The following CHTF18 variants were observed in gnomAD, a reference collection of about 807,000 sequenced individuals.
CHTF18 encodes chromosome transmission fidelity factor 18, also known as chromosome transmission fidelity protein 18 homolog.
CHTF18 carries 151 observed loss-of-function variants against 113.4 expected under a neutral mutation model. The ratio of observed to expected loss-of-function variants is 1.33; its 90% CI spans 1.17 to 1.52. The LOEUF is 1.52. Ranked by LOEUF, CHTF18 falls within the 40% of genes most tolerant of loss-of-function variation. CHTF18 has a pLI of 0.00. For missense variants in CHTF18, 1,982 were observed against 1,381.6 expected, an observed-to-expected ratio of 1.43 and a Z score of -6.89; for synonymous variants, 916 against 598.8, an observed-to-expected ratio of 1.53 and a Z score of -7.74.
chr16:793,358 C>G (rs987706702), intron 14 of CHTF18, 84 bp downstream of exon 14: 4 of 1,502,902 alleles, frequency 2.7e-6, no homozygotes, highest in Admixed American at 2.1e-5. Flanking sequence ...CCAGCACTAC[C>G]TTCGAGGCGG....
At chr16:795,061 A>T in intron 15 of CHTF18, 71 bp from the exon 16 acceptor site, 1 of 1,218,068 alleles carries the variant, frequency 8.2e-7, no homozygotes, top group East Asian at 2.6e-5. Context: ...CTGTGGCGGG[A>T]GGTGGAGGGT....
rs2042404007 is a variant in CHTF18, at chr16:797,969, G to C, written c.2922G>C (p.Leu974Phe). 3.1e-6 allele frequency: 5 copies of C among 1,610,752 alleles called. No homozygotes were observed. The East Asian group carries it at 1.1e-4, about 36-fold the overall frequency. Reference sequence around the variant, plus strand: ...GGCGCAGCCTGTACATCAGGGACTTGCTCTAGTTCTCTGAGCCGCGGACAT... The same window carrying C: ...GGCGCAGCCTGTACATCAGGGACTTCCTCTAGTTCTCTGAGCCGCGGACAT... ...AVRRSLYIRDLL is the reference protein window; with the variant it reads ...AVRRSLYIRDFL Residue 974 changes from leucine (L) to phenylalanine (F), a missense_variant, in exon 22 of 22, where the codon TTG becomes TTC. Coordinates refer to ENST00000262315, the MANE Select transcript of CHTF18 (RefSeq NM_022092.3).
chr16:795,086 C>T (rs765500872), intron 15 of CHTF18, 46 bp from the exon 16 acceptor site: 81 of 1,460,032 alleles, frequency 5.5e-5, no homozygotes, highest in Non-Finnish European at 6.7e-5. Flanking sequence ...GGTGGTGCAC[C>T]TTCCCTGGGG....
At position 790,108 on chromosome 16, in the gene CHTF18, T is replaced by G. The variant is rs1346969591; in HGVS notation, c.607-69T>G. ...TTGTCCCACCCGGGTCCCTGAGCAC[T>G]GATGGGGGCTGACGTGAATCCTGTG... is the stretch of plus-strand genomic sequence containing the variant. On this transcript the variant is annotated intron_variant, in intron 4 of 21. Transcript: ENST00000262315. The G allele has an allele frequency of 3.2e-6, 5 of 1,542,602 alleles. No homozygotes were observed. In the African/African-American group the frequency reaches 4.1e-5, roughly 13 times the overall value.
chr16:790,091 C>T (rs1033411319), intron 4 of CHTF18, 86 bp from the exon 5 acceptor site: 1 of 1,539,246 alleles, frequency 6.5e-7, no homozygotes, highest in East Asian at 2.4e-5. Context: ...GGTTGTCCCA[C>T]CCGGGTCCCT....
Position 797,830 on chromosome 16 carries a change from G to A in CHTF18, c.2792-9G>A. On this transcript the variant is annotated splice_polypyrimidine_tract_variant and intron_variant, in intron 21 of 21. Coordinates refer to ENST00000262315, the MANE Select transcript of CHTF18 (RefSeq NM_022092.3). ...CTTACAGCTGAGGAGCAACCCTGTGGCCCCGCAGGGGACACGGCCCCGGAG... is the reference window on the plus strand; with the variant it reads ...CTTACAGCTGAGGAGCAACCCTGTGACCCCGCAGGGGACACGGCCCCGGAG... 1 of 1,598,388 alleles carries A rather than the reference G, an allele frequency of 6.3e-7. No individual in the cohort carries two copies. Among genetic ancestry groups the A allele is most frequent in the African/African-American group, 1.3e-5 (1 of 74,828 alleles).
intron 15 of CHTF18, chr16:794,606 G>C (rs967163056): frequency 9.2e-5 from 23 of 248,886 alleles, no homozygotes; most frequent in African/African-American, 4.9e-4. Context: ...GGGAGTCCCC[G>C]CCTAAGCTGT....
Position 790,251 on chromosome 16 carries a change from G to T in CHTF18, c.681G>T (p.Lys227Asn). The change falls in exon 5 of 22, where the codon AAG becomes AAT. Residue 227 changes from lysine to asparagine, a missense_variant. Lys to Asn is a moderately conservative substitution (Grantham distance 94). Transcript: ENST00000262315. ...DLLGVSLASL[K>N]KQVDGERRER... Reference sequence around the variant, plus strand: ...TGGGTGTGTCCTTAGCCTCCCTGAAGAAGCAGGTCGACGGCGAGGTAGGGG... The same window carrying T: ...TGGGTGTGTCCTTAGCCTCCCTGAATAAGCAGGTCGACGGCGAGGTAGGGG... 6.2e-7 allele frequency: 1 copy of T among 1,606,980 alleles called. No homozygotes were observed. Among genetic ancestry groups the T allele is most frequent in the Non-Finnish European group, 8.5e-7 (1 of 1,177,656 alleles).
rs199983912 is a variant in CHTF18 at position 792,525 on chromosome 16, C to T, written c.1413C>T (p.Gly471=). Residue 471 remains glycine, a synonymous_variant, in exon 11 of 22, where the codon GGC becomes GGT. Coordinates refer to ENST00000262315, the MANE Select transcript of CHTF18 (RefSeq NM_022092.3). ...GPQGPAVPSG[G]GRRRRAEGGL... is the part of the protein sequence containing the mutation. ...AGGGCCCGGCTGTGCCTTCGGGAGG[C>T]GGCCGACGGCGCCGGGCAGAGGGGG... 129 of 1,592,518 alleles carry T rather than the reference C, an allele frequency of 8.1e-5. 1 individual carries two copies. In the African/African-American group the frequency reaches 8.9e-4, roughly 11 times the overall value.
chr16:788,669 C>G lies in CHTF18; in HGVS notation c.-16C>G, dbSNP rs761285335. The G allele has an allele frequency of 3.9e-6, 6 of 1,520,888 alleles. No individual in the cohort carries two copies. The highest frequency in any genetic ancestry group is 1.4e-5 in the African/African-American group (1 of 69,536). The allele number at this position is 1,520,888 out of a possible 1,614,324, so 94.2% of individuals were successfully genotyped here. A position where few individuals can be genotyped will look rare whatever the true frequency, so the allele number is the denominator to read the frequency against. ...GCGCGGGAGGTTCGGAGCGGGAGCTCGGGCTCGCGGACGGTATGGAGGACT... is the reference window on the plus strand; with the variant it reads ...GCGCGGGAGGTTCGGAGCGGGAGCTGGGGCTCGCGGACGGTATGGAGGACT... On this transcript the variant is annotated 5_prime_UTR_variant, in exon 1 of 22. Coordinates refer to ENST00000262315, the MANE Select transcript of CHTF18 (RefSeq NM_022092.3).
At position 794,037 on chromosome 16, in the gene CHTF18, C is replaced by T. The variant is rs138362369; in HGVS notation, c.1803-17C>T. 18,915 of 1,605,044 alleles carry T rather than the reference C, an allele frequency of 0.012. 146 individuals carry two copies. Among genetic ancestry groups the T allele is most frequent in the Middle Eastern group, 0.021 (105 of 4,914 alleles). On this transcript the variant is annotated splice_polypyrimidine_tract_variant and intron_variant, in intron 14 of 21. Coordinates refer to ENST00000262315, the MANE Select transcript of CHTF18 (RefSeq NM_022092.3). ...CTTTTAACACGGGTCCATCTAGCTTCAGCACCCCACCTGCAGGCGCCGTGT... is the reference window on the plus strand; with the variant it reads ...CTTTTAACACGGGTCCATCTAGCTTTAGCACCCCACCTGCAGGCGCCGTGT...
At position 794,221 on chromosome 16, in the gene CHTF18, A is replaced by G; in HGVS notation, c.1950+20A>G. 1 of 1,605,270 alleles carries G rather than the reference A, an allele frequency of 6.2e-7. No homozygotes were observed. On this transcript the variant is annotated intron_variant, in intron 15 of 21. Transcript: ENST00000262315. Reference sequence around the variant, plus strand: ...GTCCAGGTACCTGTCTTCCACCAAAATGCCTGCCTGGGGCCGCCTGGCTAG... The same window carrying G: ...GTCCAGGTACCTGTCTTCCACCAAAGTGCCTGCCTGGGGCCGCCTGGCTAG...
In CHTF18 at chr16:789,602, A is replaced by C; in HGVS notation, c.493A>C (p.Asn165His). ...CACACGGGCCTCACCAGCTGCCCGC[A>C]ATCCCGTCCTGAGGCGGCCCCCCAT... ...GLTRASPAAR[N>H]PVLRRPPILE... The change falls in exon 4 of 22, where the codon AAT becomes CAT. Residue 165 changes from asparagine (N) to histidine (H), a missense_variant. Physicochemically the swap from Asn to His is moderately conservative, Grantham distance 68. Coordinates refer to ENST00000262315, the MANE Select transcript of CHTF18 (RefSeq NM_022092.3). The C allele has an allele frequency of 6.2e-7, 1 of 1,609,304 alleles. No homozygotes were observed. The highest frequency in any genetic ancestry group is 8.5e-7 in the Non-Finnish European group (1 of 1,179,660).
intron 7 of CHTF18, 80 bp from the exon 8 acceptor site, chr16:791,081 G>A (rs2042182672): frequency 2.0e-6 from 3 of 1,528,110 alleles, no homozygotes; most frequent in Middle Eastern, 1.7e-4. Flanking sequence ...ATGGGGCATG[G>A]GGCTCATGGT....
At position 793,210 on chromosome 16, in the gene CHTF18, A is replaced by C; in HGVS notation, c.1738A>C (p.Lys580Gln). Residue 580 changes from lysine to glutamine, a missense_variant, in exon 14 of 22, where the codon AAG (lysine) becomes CAG (glutamine). By Grantham distance (53) the Lys-to-Gln change is moderately conservative. Coordinates refer to ENST00000262315, the MANE Select transcript of CHTF18 (RefSeq NM_022092.3). ...RDVQATRVGLKDQRRGLFSVW... is the reference protein window; with the variant it reads ...RDVQATRVGLQDQRRGLFSVW... Reference sequence around the variant, plus strand: ...CGTGCAGGCCACACGCGTGGGCCTCAAGGACCAGCGCAGAGGGCTCTTCTC... The same window carrying C: ...CGTGCAGGCCACACGCGTGGGCCTCCAGGACCAGCGCAGAGGGCTCTTCTC... 6.2e-7 allele frequency: 1 copy of C among 1,608,636 alleles called. No homozygotes were observed. Among genetic ancestry groups the C allele is most frequent in the East Asian group, 2.2e-5 (1 of 44,724 alleles).
intron 7 of CHTF18, 130 bp downstream of exon 7, chr16:790,796 T>C: frequency 7.0e-7 from 1 of 1,435,852 alleles, no homozygotes; most frequent in Non-Finnish European, 9.1e-7. Context: ...GTTTGCCCTT[T>C]TGAGTTGTAG....
In CHTF18 at chr16:797,976, T is replaced by C. The variant is rs754417834; in HGVS notation, c.*1T>C. ...CCTGTACATCAGGGACTTGCTCTAG[T>C]TCTCTGAGCCGCGGACATGCCCTCG... is the stretch of plus-strand genomic sequence containing the variant. On this transcript the variant is annotated 3_prime_UTR_variant, in exon 22 of 22. Coordinates refer to ENST00000262315, the MANE Select transcript of CHTF18 (RefSeq NM_022092.3). 1 of 1,609,536 alleles carries C rather than the reference T, an allele frequency of 6.2e-7. No homozygotes were observed. The highest frequency in any genetic ancestry group is 8.5e-7 in the Non-Finnish European group (1 of 1,177,860).
At chr16:789,411 G>A in intron 3 of CHTF18, 51 bp downstream of exon 3, 13 of 1,540,498 alleles carry the variant, frequency 8.4e-6, no homozygotes, top group Non-Finnish European at 1.1e-5. Flanking sequence ...GTGGGACTCA[G>A]ATGGAGCCCA....
chr16:793,991 A>G, intron 14 of CHTF18, 63 bp from the exon 15 acceptor site: 2 of 1,558,730 alleles, frequency 1.3e-6, no homozygotes, highest in South Asian at 1.2e-5. Context: ...TGTCCCGGGG[A>G]GACGGGTGGG....
Sources: gnomAD v4.1 joint callset for allele counts on GRCh38, gnomAD v4.1.1 for gene constraint, MANE v1.5 for transcripts, NCBI Gene and HGNC (gene_info 2026-07-23, HGNC 2026-07-21) for gene names.